The following FUT8 variants were observed in gnomAD, a reference collection of about 807,000 sequenced individuals.
FUT8 encodes alpha-(1,6)-fucosyltransferase.
A neutral mutation model predicts 71.3 loss-of-function variants in FUT8; 29 were observed. That is an observed-to-expected ratio of 0.41 (90% CI 0.30 to 0.55). FUT8 has a LOEUF of 0.55. FUT8 is among the 20% of genes least tolerant of loss of function. The pLI, the probability that FUT8 is intolerant of heterozygous loss-of-function variation, is 0.34. For synonymous variants in FUT8, 254 were observed against 239.3 expected (o/e 1.06, Z -0.57); for missense variants, 544 against 702.1 (o/e 0.77, Z 2.55).
intron 3 of FUT8, among the ~76,000 whole-genome samples, chr14:65,585,121 C>A (rs1349796740): frequency 2.0e-5 from 3 of 151,960 alleles, no homozygotes; most frequent in African/African-American, 7.3e-5. Flanking sequence ...TTTGCATTTG[C>A]CCCCTCCCCA....
chr14:65,521,810 A>G (rs773053069), intron 2 of FUT8, among the ~76,000 whole-genome samples: 1 of 152,034 alleles, frequency 6.6e-6, no homozygotes. Flanking sequence ...TACAGTGCCA[A>G]ACACATGGCA....
At chr14:65,403,894 C>A in the FUT8 span, among the ~76,000 whole-genome samples, 1 of 151,806 alleles carries the variant, frequency 6.6e-6, no homozygotes, top group African/African-American at 2.4e-5. Flanking sequence ...AGATTTGTTT[C>A]TTTTTCTTTT....
At chr14:65,708,460 C>A (rs751042050) in intron 7 of FUT8, among the ~76,000 whole-genome samples, 5 of 152,160 alleles carry the variant, frequency 3.3e-5, no homozygotes, top group Admixed American at 6.5e-5. Flanking sequence ...AATATTAGTT[C>A]TTCCAATCCA....
intron 7 of FUT8, among the ~76,000 whole-genome samples, chr14:65,686,006 C>G (rs780946096): frequency 6.6e-6 from 1 of 152,142 alleles, no homozygotes; most frequent in East Asian, 1.9e-4. Context: ...GGAATGCAGC[C>G]CAGTAGGTCT....
rs377000734 is a variant in FUT8 at position 65,579,664 on chromosome 14, T to C, written c.203+17898T>C. Among the ~76,000 whole-genome samples the C allele has an allele frequency of 3.3e-5, 5 of 152,174 alleles. No individual in the cohort carries two copies. In the East Asian group the frequency reaches 7.7e-4, roughly 23 times the overall value. ...CAGTAATACAAAAGCTTATTGGACA[T>C]GGTAATGCCATATGGAGTAGAAATA... On this transcript the variant is annotated intron_variant, in intron 3 of 10. Coordinates refer to ENST00000673929, the MANE Select transcript of FUT8 (RefSeq NM_001371533.1).
chr14:65,491,421 C>G (rs2066480445), intron 2 of FUT8, among the ~76,000 whole-genome samples: 1 of 152,040 alleles, frequency 6.6e-6, no homozygotes. Context: ...TTGCTTGTTT[C>G]AAGTATTTTT....
intron 6 of FUT8, among the ~76,000 whole-genome samples, chr14:65,659,057 G>A (rs1173763952): frequency 6.6e-6 from 1 of 152,004 alleles, no homozygotes. Flanking sequence ...TGGATCTTAA[G>A]TTATTTCAAA....
intron 6 of FUT8, among the ~76,000 whole-genome samples, chr14:65,649,784 T>G (rs1891277775): frequency 3.3e-5 from 5 of 152,210 alleles, no homozygotes; most frequent in Admixed American, 3.3e-4. Context: ...TTGAAAAAAG[T>G]TGGTTTACCA....
intron 1 of FUT8, among the ~76,000 whole-genome samples, chr14:65,452,467 T>A (rs1338108379): frequency 6.6e-6 from 1 of 152,114 alleles, no homozygotes; most frequent in Non-Finnish European, 1.5e-5. Context: ...TTTGTAGGGA[T>A]GGAACAAAGC....
chr14:65,673,192 C>T (rs1259842817), intron 7 of FUT8, among the ~76,000 whole-genome samples: 1 of 152,206 alleles, frequency 6.6e-6, no homozygotes, highest in Non-Finnish European at 1.5e-5. Flanking sequence ...GGTATATCCA[C>T]TTATCTAAAC....
At chr14:65,520,978 T>C (rs1883038946) in intron 2 of FUT8, among the ~76,000 whole-genome samples, 2 of 152,128 alleles carry the variant, frequency 1.3e-5, no homozygotes, top group Non-Finnish European at 2.9e-5. Context: ...ATTTTAGATT[T>C]CTTTCTCTTT....
intron 7 of FUT8, among the ~76,000 whole-genome samples, chr14:65,701,288 T>C (rs989212943): frequency 6.6e-6 from 1 of 152,154 alleles, no homozygotes; most frequent in Non-Finnish European, 1.5e-5. Context: ...GGAGGAAATA[T>C]ATTTAAGGAC....
chr14:65,569,030 T>C (rs1167955610), intron 3 of FUT8, among the ~76,000 whole-genome samples: 2 of 151,872 alleles, frequency 1.3e-5, no homozygotes, highest in Non-Finnish European at 2.9e-5. Context: ...TTAGCAGTAA[T>C]TTTTAAAAGC....
chr14:65,498,315 T>C (rs1327510958), intron 2 of FUT8, among the ~76,000 whole-genome samples: 1 of 152,180 alleles, frequency 6.6e-6, no homozygotes, highest in African/African-American at 2.4e-5. Flanking sequence ...ACTTAAGTGT[T>C]TGGAAGACTA....
chr14:65,543,962 C>T (rs1399620227), intron 2 of FUT8, among the ~76,000 whole-genome samples: 1 of 152,106 alleles, frequency 6.6e-6, no homozygotes, highest in African/African-American at 2.4e-5. Context: ...TTTCATTGAA[C>T]CCCATTGAAT....
At chr14:65,421,993 C>G (rs2065305123) in intron 1 of FUT8, among the ~76,000 whole-genome samples, 1 of 152,028 alleles carries the variant, frequency 6.6e-6, no homozygotes, top group African/African-American at 2.4e-5. Flanking sequence ...ACAGTACTTT[C>G]TGTAGTGTAC....
intron 3 of FUT8, among the ~76,000 whole-genome samples, chr14:65,569,223 G>C (rs1373794730): frequency 6.6e-6 from 1 of 151,566 alleles, no homozygotes; most frequent in Non-Finnish European, 1.5e-5. Context: ...AGTTCACTGA[G>C]CTGCTTAAAT....
intron 2 of FUT8, among the ~76,000 whole-genome samples, chr14:65,493,449 G>GA (rs759024189): frequency 3.9e-5 from 6 of 152,044 alleles, no homozygotes; most frequent in Admixed American, 6.6e-5. Context: ...GCTAGGAATA[G>GA]AAAGAGAAGG....
Position 65,721,884 on chromosome 14 carries a change from A to G in FUT8, c.945A>G (p.Arg315=). 6.2e-7 allele frequency: 1 copy of G among 1,614,182 alleles called. No individual in the cohort carries two copies. Among genetic ancestry groups the G allele is most frequent in the Non-Finnish European group, 8.5e-7 (1 of 1,180,030 alleles). Residue 315 remains arginine (R), a synonymous_variant, in exon 8 of 11, where the codon CGA becomes CGG. Transcript: ENST00000673929. ...PLAVPEDLAD[R]LVRVHGDPAV... is the part of the protein sequence containing the mutation. ...CTGTACCAGAAGACCTCGCAGATCG[A>G]CTTGTACGAGTGCATGGTGACCCTG...
Sources: allele counts gnomAD v4.1 joint callset (sites outside exome capture counted in the v4.1 genomes callset), GRCh38; gene constraint gnomAD v4.1.1; transcripts MANE v1.5; gene names NCBI Gene and HGNC (gene_info 2026-07-23, HGNC 2026-07-21).